Variants in ASB18 observed in about 807,000 individuals in gnomAD.
ASB18 encodes ankyrin repeat and SOCS box protein 18.
In ASB18, 33 loss-of-function variants were observed where a neutral mutation model predicts 33.4. The ratio of observed to expected loss-of-function variants is 0.99; its 90% CI spans 0.75 to 1.32. The LOEUF (loss-of-function observed/expected upper bound fraction) is 1.32, where lower values mean the gene tolerates loss of function less well. Ranked by LOEUF, ASB18 falls within the 40% of genes most tolerant of loss-of-function variation. ASB18 has a pLI of 0.00. For missense variants in ASB18, 694 were observed against 655.5 expected (o/e 1.06, Z -0.64); for synonymous variants, 295 against 307.6 (o/e 0.96, Z 0.43).
At chr2:236,218,785 G>A (rs1423557726) in intron 3 of ASB18, among the ~76,000 whole-genome samples, 2 of 114,278 alleles carry the variant, frequency 1.8e-5, no homozygotes, top group African/African-American at 3.7e-5. Flanking sequence ...GTGACAGAAT[G>A]AGACTCCATC....
In ASB18 at chr2:236,234,761, C is replaced by A. The variant is rs2060581198; in HGVS notation, c.596+2928G>T. Reference sequence around the variant, plus strand: ...CAAAAATAAATAAAAAAGCTTCAATCCCTACCTCACATCATATTCAGAAAT... The same window carrying A: ...CAAAAATAAATAAAAAAGCTTCAATACCTACCTCACATCATATTCAGAAAT... On this transcript the variant is annotated intron_variant, in intron 3 of 5. Transcript: ENST00000409749. This position sits in a 1 kb window ranked among gnomAD's most constrained non-coding sequence, Gnocchi z 4.1. 6.6e-6 allele frequency among the ~76,000 whole-genome samples: 1 copy of A among 152,152 alleles called. No homozygotes were observed. The highest frequency in any genetic ancestry group is 2.1e-4 in the South Asian group (1 of 4,822).
In ASB18 at chr2:236,263,524, T is replaced by C. The variant is rs948439862; in HGVS notation, c.205+617A>G. Among the ~76,000 whole-genome samples, 3 of 152,184 alleles carry C rather than the reference T, an allele frequency of 2.0e-5. No homozygotes were observed. The highest frequency in any genetic ancestry group is 6.5e-5 in the Admixed American group (1 of 15,278). ...GAACAGAAACCCTTGCGGAAAACAA[T>C]TTGGAACCAATTTAGAAACAATACA... On this transcript the variant is annotated intron_variant, in intron 1 of 5. Coordinates refer to ENST00000409749, the MANE Select transcript of ASB18 (RefSeq NM_212556.4). This position sits in a 1 kb window ranked among gnomAD's most constrained non-coding sequence, Gnocchi z 4.0.
At position 236,222,630 on chromosome 2, in the gene ASB18, G is replaced by A. The variant is rs2106272608; in HGVS notation, c.597-7764C>T. Among the ~76,000 whole-genome samples the A allele has an allele frequency of 6.6e-6, 1 of 152,310 alleles. No homozygotes were observed. Among genetic ancestry groups the A allele is most frequent in the Non-Finnish European group, 1.5e-5 (1 of 68,016 alleles). On this transcript the variant is annotated intron_variant, in intron 3 of 5. Transcript: ENST00000409749. This position sits in a 1 kb window ranked among gnomAD's most constrained non-coding sequence, Gnocchi z 5.5. The stretch of plus-strand genomic sequence containing the variant: ...GCAGGATGGGGCCTGGTGGGAGGTG[G>A]TTGGTTCATGGGGGTAGGTCTCTCA...
intron 4 of ASB18, among the ~76,000 whole-genome samples, chr2:236,198,842 TA>T (rs577955362): frequency 1.0e-3 from 152 of 152,328 alleles, no homozygotes; most frequent in African/African-American, 3.1e-3. Flanking sequence ...CAAATAATGA[TA>T]TTTTTTTCTC....
Position 236,214,827 on chromosome 2 carries a change from C to G in ASB18, c.636G>C (p.Gln212His), listed in dbSNP as rs2060479088. ...QALLEHGASV[Q>H]RVGGTGRDTP... ...TGTCCCGGCCCGTGCCGCCCACGCGCTGCACCGAGGCCCCGTGCTCCAGCA... is the reference window on the plus strand; with the variant it reads ...TGTCCCGGCCCGTGCCGCCCACGCGGTGCACCGAGGCCCCGTGCTCCAGCA... The change falls in exon 4 of 6, where the codon CAG becomes CAC. Residue 212 changes from glutamine (Q) to histidine (H), a missense_variant. By Grantham distance (24) the Gln-to-His change is conservative. Transcript: ENST00000409749. This position sits in a 1 kb window ranked among gnomAD's most constrained non-coding sequence, Gnocchi z 6.5. 1 of 1,214,094 alleles carries G rather than the reference C, an allele frequency of 8.2e-7. No homozygotes were observed. Among genetic ancestry groups the G allele is most frequent in the East Asian group, 3.4e-5 (1 of 29,784 alleles). 75.2% of individuals were successfully genotyped at this position (1,214,094 alleles called of 1,614,324 possible).
chr2:236,254,098 C>T (rs1202396705), intron 1 of ASB18: 2 of 152,066 alleles, frequency 1.3e-5, no homozygotes, highest in African/African-American at 4.8e-5. Context: ...TGGCAACTGC[C>T]CAATTCTGCC....
Position 236,194,731 on chromosome 2 carries a change from CTG to C in ASB18, c.*139_*140del. 5 of 668,826 alleles carry C rather than the reference CTG, an allele frequency of 7.5e-6. No homozygotes were observed. Among genetic ancestry groups the C allele is most frequent in the Non-Finnish European group, 1.2e-5 (5 of 413,300 alleles). The allele number at this position is 668,826 out of a possible 1,614,324, so 41.4% of individuals were successfully genotyped here. A position where few individuals can be genotyped will look rare whatever the true frequency, so the allele number is the denominator to read the frequency against. ...AGGTGAACCTGAAGCTTGGCAAGGT[CTG>C]TGCTTCACCCGGTCCCACGGAGAGC... On this transcript the variant is annotated 3_prime_UTR_variant, in exon 6 of 6. Coordinates refer to ENST00000409749, the MANE Select transcript of ASB18 (RefSeq NM_212556.4). This position sits in a 1 kb window ranked among gnomAD's most constrained non-coding sequence, Gnocchi z 4.5.
At position 236,214,613 on chromosome 2, in the gene ASB18, C is replaced by T. The variant is rs1486953547; in HGVS notation, c.850G>A (p.Ala284Thr). 2 of 1,213,674 alleles carry T rather than the reference C, an allele frequency of 1.6e-6. No individual in the cohort carries two copies. The highest frequency in any genetic ancestry group is 3.2e-5 in the African/African-American group (2 of 62,238). The allele number at this position is 1,213,674 out of a possible 1,614,324, so 75.2% of individuals were successfully genotyped here. A position where few individuals can be genotyped will look rare whatever the true frequency, so the allele number is the denominator to read the frequency against. ...TCCTCGTCGCGCGCGTCCGCCTCCG[C>T]CCCGCGCCGCAGCAGCAGCGCGCAC... ...RLCALLLRRG[A>T]EADARDEDER... The change falls in exon 4 of 6, where the codon GCG becomes ACG. Residue 284 changes from alanine (A) to threonine (T), a missense_variant. Ala to Thr is a moderately conservative substitution (Grantham distance 58, BLOSUM62 0). Coordinates refer to ENST00000409749, the MANE Select transcript of ASB18 (RefSeq NM_212556.4). The surrounding 1 kb of genome is among the most constrained non-coding windows in gnomAD (Gnocchi z 6.5).
At chr2:236,198,283 A>C (rs1194900424) in intron 4 of ASB18, among the ~76,000 whole-genome samples, 3 of 152,242 alleles carry the variant, frequency 2.0e-5, no homozygotes, top group Admixed American at 6.5e-5. Flanking sequence ...ATATATGACA[A>C]CAATGGGTGA....
At chr2:236,242,258 A>G (rs2060624420) in intron 1 of ASB18, among the ~76,000 whole-genome samples, 1 of 152,152 alleles carries the variant, frequency 6.6e-6, no homozygotes, top group Non-Finnish European at 1.5e-5. Context: ...CAGTTGCATC[A>G]GGTAGGACCT....
chr2:236,219,611 A>C lies in ASB18; in HGVS notation c.597-4745T>G, dbSNP rs886914613. Among the ~76,000 whole-genome samples, 1 of 152,142 alleles carries C rather than the reference A, an allele frequency of 6.6e-6. No homozygotes were observed. The highest frequency in any genetic ancestry group is 2.4e-5 in the African/African-American group (1 of 41,436). ...ACTATCATTTCAATCCCTCCTATCA[A>C]CGTCACCAGTGGAAGAAATGGCCCA... On this transcript the variant is annotated intron_variant, in intron 3 of 5. Coordinates refer to ENST00000409749, the MANE Select transcript of ASB18 (RefSeq NM_212556.4). This position sits in a 1 kb window ranked among gnomAD's most constrained non-coding sequence, Gnocchi z 6.4.
Position 236,211,737 on chromosome 2 carries a change from T to C in ASB18, c.1101+2625A>G, listed in dbSNP as rs946134573. On this transcript the variant is annotated intron_variant, in intron 4 of 5. Transcript: ENST00000409749. The surrounding 1 kb of genome is among the most constrained non-coding windows in gnomAD (Gnocchi z 5.0). ...AGACTGGGTGGAGGAAGAGGCTGCC[T>C]CTAGCTTTCCACAGAGTTTTGCTTC... 6.6e-6 allele frequency among the ~76,000 whole-genome samples: 1 copy of C among 152,200 alleles called. No individual in the cohort carries two copies. Among genetic ancestry groups the C allele is most frequent in the Non-Finnish European group, 1.5e-5 (1 of 68,028 alleles).
chr2:236,214,343 G>C lies in ASB18; in HGVS notation c.1101+19C>G, dbSNP rs752867973. ...CAAAACTCCAGGGCACGTGCCAGCCGGGCTGGATCCTGCCTTACCTTGGGG... is the reference window on the plus strand; with the variant it reads ...CAAAACTCCAGGGCACGTGCCAGCCCGGCTGGATCCTGCCTTACCTTGGGG... On this transcript the variant is annotated intron_variant, in intron 4 of 5. Transcript: ENST00000409749. This position sits in a 1 kb window ranked among gnomAD's most constrained non-coding sequence, Gnocchi z 6.5. 4.1e-5 allele frequency: 64 copies of C among 1,561,316 alleles called. No homozygotes were observed. The highest frequency in any genetic ancestry group is 5.4e-5 in the Non-Finnish European group (62 of 1,157,006).
In ASB18 at chr2:236,253,230, C is replaced by T. The variant is rs6726409; in HGVS notation, c.205+10911G>A. ...GCAGCAGAAGAGGCAGATGTGCAAA[C>T]GCCAGGAAGGGACTGCGGACTGAGG... On this transcript the variant is annotated intron_variant, in intron 1 of 5. Coordinates refer to ENST00000409749, the MANE Select transcript of ASB18 (RefSeq NM_212556.4). This position sits in a 1 kb window ranked among gnomAD's most constrained non-coding sequence, Gnocchi z 5.4. Among the ~76,000 whole-genome samples, 24,871 of 152,098 alleles carry T rather than the reference C, an allele frequency of 0.16. 2,521 individuals are homozygous for T. The highest frequency in any genetic ancestry group is 0.28 in the African/African-American group (11,403 of 41,464).
At chr2:236,247,769 A>G (rs1031270787) in intron 1 of ASB18, 1 of 152,248 alleles carries the variant, frequency 6.6e-6, no homozygotes, top group African/African-American at 2.4e-5. Flanking sequence ...TTGCTGAACA[A>G]TTGTCAAAGT....
rs2060501519 is a variant in ASB18 at position 236,219,497 on chromosome 2, G to A, written c.597-4631C>T. On this transcript the variant is annotated intron_variant, in intron 3 of 5. Transcript: ENST00000409749. This position sits in a 1 kb window ranked among gnomAD's most constrained non-coding sequence, Gnocchi z 6.4. ...TGCCCATGAGAAGGTGAGGAGAGGAGAGGCCTGGGCTGGCTGGGAGCTACT... is the reference window on the plus strand; with the variant it reads ...TGCCCATGAGAAGGTGAGGAGAGGAAAGGCCTGGGCTGGCTGGGAGCTACT... Among the ~76,000 whole-genome samples, 1 of 152,168 alleles carries A rather than the reference G, an allele frequency of 6.6e-6. No homozygotes were observed. The highest frequency in any genetic ancestry group is 6.5e-5 in the Admixed American group (1 of 15,274).
chr2:236,201,459 T>C (rs2060401808), intron 4 of ASB18, among the ~76,000 whole-genome samples: 1 of 152,192 alleles, frequency 6.6e-6, no homozygotes, highest in African/African-American at 2.4e-5. Context: ...CGGCTCATCT[T>C]TCTTAAATAG....
intron 1 of ASB18, chr2:236,247,878 A>T (rs2060651790): frequency 6.6e-6 from 1 of 152,256 alleles, no homozygotes; most frequent in Admixed American, 6.5e-5. Context: ...TCTTGACATT[A>T]GACCTGGGCA....
rs1440430326 is a variant in ASB18 at position 236,209,116 on chromosome 2, C to G, written c.1101+5246G>C. ...CTACTGCTACTCCAGAAATCTCCCA[C>G]TAAAAATCCTGTGGAATTGGGATAA... On this transcript the variant is annotated intron_variant, in intron 4 of 5. Transcript: ENST00000409749. The surrounding 1 kb of genome is among the most constrained non-coding windows in gnomAD (Gnocchi z 4.4). Among the ~76,000 whole-genome samples, 1 of 148,292 alleles carries G rather than the reference C, an allele frequency of 6.7e-6. No individual in the cohort carries two copies. The highest frequency in any genetic ancestry group is 2.5e-5 in the African/African-American group (1 of 40,210).
Sources: allele counts gnomAD v4.1 joint callset (sites outside exome capture counted in the v4.1 genomes callset), GRCh38; gene constraint gnomAD v4.1.1; non-coding constraint Gnocchi (gnomAD v3.1); transcripts MANE v1.5; gene names NCBI Gene and HGNC (gene_info 2026-07-23, HGNC 2026-07-21).